The following KCND2 variants were observed in gnomAD, a reference collection of about 807,000 sequenced individuals.
The protein encoded by KCND2 is potassium voltage-gated channel subfamily D member 2.
Under a neutral mutation model 54.4 loss-of-function variants are expected in KCND2, and 16 were observed. The ratio of observed to expected loss-of-function variants is 0.29; its 90% CI spans 0.20 to 0.45. The LOEUF is 0.45. Ranked by LOEUF, KCND2 falls within the 20% of genes least tolerant of loss-of-function variation. KCND2 has a pLI of 1.00. For synonymous variants in KCND2, 317 were observed against 310.7 expected (o/e 1.02, Z -0.21); for missense variants, 486 against 824.2 (o/e 0.59, Z 5.02).
chr7:120,449,697 A>T (rs56249686), intron 1 of KCND2, among the ~76,000 whole-genome samples: 15,501 of 152,276 alleles, frequency 0.1, 826 homozygotes, highest in Admixed American at 0.13. Flanking sequence ...CCTTCCAGAG[A>T]ATTTCAGTTG....
intron 1 of KCND2, among the ~76,000 whole-genome samples, chr7:120,483,546 A>C (rs980623351): frequency 1.3e-5 from 2 of 152,340 alleles, no homozygotes; most frequent in African/African-American, 4.8e-5. Context: ...AAATATCTGC[A>C]TTTGGAGAAA....
intron 1 of KCND2, among the ~76,000 whole-genome samples, chr7:120,699,427 TAC>T (rs1792373431): frequency 6.6e-6 from 1 of 152,184 alleles, no homozygotes; most frequent in African/African-American, 2.4e-5. Context: ...GACCCAAATA[TAC>T]AGAGACAAAC....
At chr7:120,325,595 G>T (rs1391326381) in intron 1 of KCND2, among the ~76,000 whole-genome samples, 3 of 151,594 alleles carry the variant, frequency 2.0e-5, no homozygotes, top group Non-Finnish European at 4.4e-5. Flanking sequence ...TTATATGCTG[G>T]ATTACATTTA....
At chr7:120,369,468 TAAATATTA>T (rs571743835) in intron 1 of KCND2, among the ~76,000 whole-genome samples, 46 of 152,058 alleles carry the variant, frequency 3.0e-4, no homozygotes, top group Admixed American at 1.1e-3. Flanking sequence ...TATATGAAAT[TAAATATTA>T]AAGTACAGAT....
chr7:120,718,026 G>T (rs1792624207), intron 1 of KCND2, among the ~76,000 whole-genome samples: 2 of 152,070 alleles, frequency 1.3e-5, no homozygotes, highest in South Asian at 4.1e-4. Flanking sequence ...AGGGCAGTCA[G>T]CTCATTCTCC....
chr7:120,658,289 C>A (rs532983102), intron 1 of KCND2, among the ~76,000 whole-genome samples: 1 of 152,150 alleles, frequency 6.6e-6, no homozygotes. Context: ...AAAATCTCTG[C>A]ATTTGTACTC....
chr7:120,320,990 G>C (rs769588391), intron 1 of KCND2, among the ~76,000 whole-genome samples: 13 of 152,082 alleles, frequency 8.5e-5, no homozygotes, highest in Non-Finnish European at 1.6e-4. Context: ...TCCAAGTTTC[G>C]AATCTAGGTC....
chr7:120,624,780 C>CA (rs72112527), intron 1 of KCND2, among the ~76,000 whole-genome samples: 30,879 of 121,780 alleles, frequency 0.25, 5,196 homozygotes, highest in East Asian at 0.52. Context: ...GACCCTGTCT[C>CA]AAAAAAAAAA....
At chr7:120,664,975 A>G (rs962976491) in intron 1 of KCND2, among the ~76,000 whole-genome samples, 7 of 152,110 alleles carry the variant, frequency 4.6e-5, no homozygotes, top group African/African-American at 1.4e-4. Flanking sequence ...AGCATATTGT[A>G]TTTAATTACA....
chr7:120,322,759 T>A (rs934762233), intron 1 of KCND2, among the ~76,000 whole-genome samples: 7 of 152,182 alleles, frequency 4.6e-5, no homozygotes, highest in Non-Finnish European at 8.8e-5. Flanking sequence ...TAGCATTTTC[T>A]ATGTCTTGAG....
intron 1 of KCND2, among the ~76,000 whole-genome samples, chr7:120,549,159 C>T (rs1395278156): frequency 6.6e-6 from 1 of 152,026 alleles, no homozygotes; most frequent in Admixed American, 6.6e-5. Flanking sequence ...GCAGAAGTTG[C>T]ACATCGGATT....
intron 1 of KCND2, among the ~76,000 whole-genome samples, chr7:120,554,718 A>G (rs1469213479): frequency 2.0e-5 from 3 of 152,080 alleles, no homozygotes; most frequent in Admixed American, 6.5e-5. Context: ...GAGAATTTAC[A>G]TTTCTAACAG....
chr7:120,365,309 C>T (rs1438501648), intron 1 of KCND2, among the ~76,000 whole-genome samples: 2 of 151,770 alleles, frequency 1.3e-5, no homozygotes, highest in Admixed American at 6.6e-5. Flanking sequence ...TCTCCTGAGC[C>T]GAAGTGTCAT....
Position 120,484,414 on chromosome 7 carries a change from A to G in KCND2, c.1115+208667A>G, listed in dbSNP as rs148501751. Among the ~76,000 whole-genome samples the G allele has an allele frequency of 5.3e-3, 813 of 151,974 alleles. 4 individuals are homozygous for G. The highest frequency in any genetic ancestry group is 9.0e-3 in the Admixed American group (137 of 15,250). On this transcript the variant is annotated intron_variant, in intron 1 of 5. Coordinates refer to ENST00000331113, the MANE Select transcript of KCND2 (RefSeq NM_012281.3). ...AGGGATCCCCTTGCCTTGGCCTCCC[A>G]AAGTGCTGAGACTCACAGGGATGAG...
chr7:120,323,174 G>C (rs1308961406), intron 1 of KCND2, among the ~76,000 whole-genome samples: 1 of 152,004 alleles, frequency 6.6e-6, no homozygotes, highest in African/African-American at 2.4e-5. Flanking sequence ...AGGCCCTGGT[G>C]TGTGATGTTC....
intron 1 of KCND2, among the ~76,000 whole-genome samples, chr7:120,575,916 T>G (rs1792426189): frequency 6.4e-5 from 1 of 15,662 alleles, no homozygotes. Flanking sequence ...CTAAGGTTCT[T>G]AAAAATTCTC....
At chr7:120,348,404 G>A (rs2116378488) in intron 1 of KCND2, among the ~76,000 whole-genome samples, 1 of 152,146 alleles carries the variant, frequency 6.6e-6, no homozygotes, top group Non-Finnish European at 1.5e-5. Context: ...TGATTATTTT[G>A]TTGTTCAAAT....
At position 120,672,598 on chromosome 7, in the gene KCND2, G is replaced by A. The variant is rs143477443; in HGVS notation, c.1116-60305G>A. ...GCCAAAAGTTCCCCTAGTTTTCACA[G>A]TCTCCCTGGGTGTACCATCCATTGT... On this transcript the variant is annotated intron_variant, in intron 1 of 5. Transcript: ENST00000331113. Among the ~76,000 whole-genome samples the A allele has an allele frequency of 4.7e-3, 708 of 152,090 alleles. 6 individuals are homozygous for A. The highest frequency in any genetic ancestry group is 0.016 in the African/African-American group (681 of 41,516).
At chr7:120,400,336 A>G (rs899858238) in intron 1 of KCND2, among the ~76,000 whole-genome samples, 3 of 152,176 alleles carry the variant, frequency 2.0e-5, no homozygotes, top group African/African-American at 4.8e-5. Flanking sequence ...TTTTTTCACT[A>G]TAAACTAAAC....
Sources: gnomAD v4.1 joint callset for allele counts (sites outside exome capture counted in the v4.1 genomes callset) on GRCh38, gnomAD v4.1.1 for gene constraint, MANE v1.5 for transcripts, NCBI Gene and HGNC (gene_info 2026-07-23, HGNC 2026-07-21) for gene names.